SPRY3: variants seen among roughly 807,000 people sequenced by gnomAD.
SPRY3 encodes protein sprouty homolog 3.
Under a neutral mutation model 20.2 loss-of-function variants are expected in SPRY3, and 15 were observed. The observed-to-expected ratio is 0.74, with a 90% CI of 0.50 to 1.14. The LOEUF is 1.14. Among genes scored for constraint, SPRY3 ranks in the 50% most tolerant of loss-of-function variants. The probability of loss-of-function intolerance (pLI) is 0.00; values close to 1 mark genes in which losing one functional copy is unlikely to be tolerated. For missense variants in SPRY3, 364 were observed against 363.9 expected (o/e 1.00, Z 0.00); for synonymous variants, 143 against 136.5 (o/e 1.05, Z -0.33).
chrX:155,641,640 C>T (rs781993592), intron 1 of SPRY3, among the ~76,000 whole-genome samples: 1 of 115,063 alleles, frequency 8.7e-6, no homozygotes, highest in African/African-American at 3.1e-5. Context: ...GAGCGAGAAA[C>T]AAAGACAATT....
At chrX:155,652,100 A>C (rs73249610) in intron 1 of SPRY3, among the ~76,000 whole-genome samples, 49 of 111,122 alleles carry the variant, frequency 4.4e-4, no homozygotes, top group Non-Finnish European at 8.1e-4. Context: ...ATGAGAACTC[A>C]CCATCAGGAG....
intron 2 of SPRY3, among the ~76,000 whole-genome samples, chrX:155,708,996 C>T (rs1392558626): frequency 6.6e-6 from 1 of 151,478 alleles, no homozygotes; most frequent in Non-Finnish European, 1.5e-5. Context: ...TTGCAAATGA[C>T]AGGATCTCAT....
At chrX:155,755,512 C>A (rs1251321158) in intron 2 of SPRY3, among the ~76,000 whole-genome samples, 1 of 152,014 alleles carries the variant, frequency 6.6e-6, no homozygotes, top group African/African-American at 2.4e-5. Flanking sequence ...ATACCTTTAC[C>A]TCTCTTGGCC....
intron 2 of SPRY3, among the ~76,000 whole-genome samples, chrX:155,712,858 G>A (rs1290942538): frequency 6.6e-6 from 1 of 151,522 alleles, no homozygotes; most frequent in Non-Finnish European, 1.5e-5. Context: ...TTCAATTTGA[G>A]GTTACCATGA....
intron 2 of SPRY3, among the ~76,000 whole-genome samples, chrX:155,721,962 A>T (rs182232613): frequency 8.3e-4 from 127 of 152,302 alleles, no homozygotes; most frequent in African/African-American, 2.8e-3. Context: ...CCTAAGTAGA[A>T]AGAATAAATG....
intron 3 of SPRY3, 110 bp from the exon 3 acceptor site, chrX:155,773,656 G>A: frequency 1.7e-6 from 1 of 599,406 alleles, no homozygotes; most frequent in Non-Finnish European, 3.0e-6. Flanking sequence ...GAAGATTACT[G>A]TAAAGTAATT....
chrX:155,639,105 C>G (rs1402944260), intron 1 of SPRY3, among the ~76,000 whole-genome samples: 1 of 112,004 alleles, frequency 8.9e-6, no homozygotes, highest in Non-Finnish European at 1.9e-5. Context: ...CTATATTACC[C>G]TTTGCGTTTC....
chrX:155,751,738 G>T (rs1202969750), intron 2 of SPRY3, among the ~76,000 whole-genome samples: 1 of 151,420 alleles, frequency 6.6e-6, no homozygotes, highest in Non-Finnish European at 1.5e-5. Flanking sequence ...TTACTAAAGG[G>T]GTGACTAGTG....
chrX:155,617,830 A>G (rs1304634355), intron 1 of SPRY3, among the ~76,000 whole-genome samples: 1 of 112,045 alleles, frequency 8.9e-6, no homozygotes, highest in African/African-American at 3.2e-5. Context: ...TAATAGGCCG[A>G]CATATATTAT....
At chrX:155,717,168 A>AT (rs1394614451) in intron 2 of SPRY3, among the ~76,000 whole-genome samples, 2 of 149,450 alleles carry the variant, frequency 1.3e-5, no homozygotes, top group African/African-American at 4.9e-5. Flanking sequence ...AAAAAAAAAA[A>AT]GATATCATCA....
At chrX:155,767,131 T>C (rs2124598459) in intron 2 of SPRY3, among the ~76,000 whole-genome samples, 1 of 152,076 alleles carries the variant, frequency 6.6e-6, no homozygotes, top group South Asian at 2.1e-4. Context: ...GAGATTCCTA[T>C]GGGGAGTTTT....
chrX:155,716,527 T>A (rs367591299), intron 2 of SPRY3, among the ~76,000 whole-genome samples: 1 of 152,130 alleles, frequency 6.6e-6, no homozygotes. Flanking sequence ...GAAACCTAAC[T>A]TTTTTAGGTA....
At chrX:155,645,253 G>T (rs782588940) in intron 1 of SPRY3, among the ~76,000 whole-genome samples, 1 of 111,803 alleles carries the variant, frequency 8.9e-6, no homozygotes, top group South Asian at 3.7e-4. Flanking sequence ...GATGAAAGGG[G>T]TCTCCTCTGG....
chrX:155,695,980 A>T (rs1368643736), intron 2 of SPRY3, among the ~76,000 whole-genome samples: 1 of 110,186 alleles, frequency 9.1e-6, no homozygotes, highest in South Asian at 3.8e-4. Context: ...AATTGGTCAC[A>T]TTTTCCTGGC....
At chrX:155,755,236 C>G (rs887094502) in intron 2 of SPRY3, among the ~76,000 whole-genome samples, 11 of 150,816 alleles carry the variant, frequency 7.3e-5, no homozygotes, top group Admixed American at 5.3e-4. Flanking sequence ...ATCTTTTACC[C>G]CAATGTCTTT....
chrX:155,768,018 C>G (rs944326811), exon 3 of SPRY3: 1 of 152,124 alleles, frequency 6.6e-6, no homozygotes, highest in East Asian at 1.9e-4. Flanking sequence ...AAGGAGTTTT[C>G]ATTCAGACTT....
chrX:155,642,809 T>A (rs2067946277), intron 1 of SPRY3, among the ~76,000 whole-genome samples: 1 of 112,175 alleles, frequency 8.9e-6, no homozygotes, highest in Admixed American at 9.4e-5. Context: ...GTTGTTGATA[T>A]CTAGTTTTAT....
chrX:155,646,100 C>T (rs782710791), intron 1 of SPRY3, among the ~76,000 whole-genome samples: 19 of 112,391 alleles, frequency 1.7e-4, no homozygotes, highest in Admixed American at 4.7e-4. Context: ...ATCAGTTAAT[C>T]GACTGTATGT....
At chrX:155,651,946 G>A (rs2067978653) in intron 1 of SPRY3, among the ~76,000 whole-genome samples, 1 of 111,837 alleles carries the variant, frequency 8.9e-6, no homozygotes, top group Non-Finnish European at 1.9e-5. Context: ...GGCTGTACAG[G>A]AAGCATGGCT....
Sources: gnomAD v4.1 joint callset for allele counts (sites outside exome capture counted in the v4.1 genomes callset) on GRCh38, gnomAD v4.1.1 for gene constraint, MANE v1.5 for transcripts, NCBI Gene and HGNC (gene_info 2026-07-23, HGNC 2026-07-21) for gene names.